MAP2K5: variants seen among roughly 807,000 people sequenced by gnomAD.
MAP2K5 encodes mitogen-activated protein kinase kinase 5.
MAP2K5 carries 49 observed loss-of-function variants against 83.1 expected under a neutral mutation model. The ratio of observed to expected loss-of-function variants is 0.59; its 90% confidence interval spans 0.47 to 0.75. The LOEUF (loss-of-function observed/expected upper bound fraction) is 0.75. Ranked by LOEUF, MAP2K5 falls within the 30% of genes least tolerant of loss-of-function variation. The pLI is 0.00. For missense variants in MAP2K5, 457 were observed against 557.5 expected (o/e 0.82, Z 1.82); for synonymous variants, 202 against 191.8 (o/e 1.05, Z -0.44).
In MAP2K5 at chr15:67,618,013, G is replaced by T. The variant is rs141784505; in HGVS notation, c.546-12875G>T. Among the ~76,000 whole-genome samples, 570 of 152,234 alleles carry T rather than the reference G, an allele frequency of 3.7e-3. 3 individuals are homozygous for T. Among genetic ancestry groups the T allele is most frequent in the African/African-American group, 0.013 (526 of 41,548 alleles). On this transcript the variant is annotated intron_variant, in intron 8 of 21. Transcript: ENST00000178640. ...CCTGCCTATTTTCCTTACCTTTAAA[G>T]ATTATTCTAGAAATTCAGTTTATTC...
chr15:67,665,987 T>C lies in MAP2K5; in HGVS notation c.847+1342T>C, dbSNP rs763641297. The stretch of plus-strand genomic sequence containing the variant: ...TACCGGTAAAGTGGTGATAGCCATT[T>C]TAATAAGAATTAACCCAATGGTCAG... On this transcript the variant is annotated intron_variant, in intron 13 of 21. Coordinates refer to ENST00000178640, the MANE Select transcript of MAP2K5 (RefSeq NM_145160.3). The surrounding 1 kb of genome is among the most constrained non-coding windows in gnomAD (Gnocchi z 4.2). 3.9e-5 allele frequency among the ~76,000 whole-genome samples: 6 copies of C among 152,244 alleles called. No homozygotes were observed. The highest frequency in any genetic ancestry group is 7.3e-5 in the Non-Finnish European group (5 of 68,040).
intron 21 of MAP2K5, among the ~76,000 whole-genome samples, chr15:67,773,863 C>G (rs539147487): frequency 5.9e-5 from 9 of 152,234 alleles, no homozygotes; most frequent in Admixed American, 3.9e-4. Flanking sequence ...TTTGAGAAAA[C>G]TTGGAACAGG....
chr15:67,553,501 A>G (rs2084553960), intron 2 of MAP2K5, among the ~76,000 whole-genome samples: 1 of 152,190 alleles, frequency 6.6e-6, no homozygotes, highest in Admixed American at 6.5e-5. Context: ...TTGTGTTTGG[A>G]TTATCATGTA....
rs2084607317 is a variant in MAP2K5, at chr15:67,555,533, T to TACC, written c.184+5452_184+5454dup. Among the ~76,000 whole-genome samples the TACC allele has an allele frequency of 6.6e-6, 1 of 152,170 alleles. No individual in the cohort carries two copies. Among genetic ancestry groups the TACC allele is most frequent in the Non-Finnish European group, 1.5e-5 (1 of 68,016 alleles). ...GAGTTGGAACTACTGAGACAAAGAA[T>TACC]ACCCATATTTAAATTTCAATATCTA... On this transcript the variant is annotated intron_variant, in intron 2 of 21. Coordinates refer to ENST00000178640, the MANE Select transcript of MAP2K5 (RefSeq NM_145160.3). The surrounding 1 kb of genome is among the most constrained non-coding windows in gnomAD (Gnocchi z 5.2).
At chr15:67,733,510 A>G (rs959213849) in intron 17 of MAP2K5, among the ~76,000 whole-genome samples, 64 of 151,662 alleles carry the variant, frequency 4.2e-4, no homozygotes, top group African/African-American at 1.4e-3. Flanking sequence ...TTTTATTGGG[A>G]AAAAAAAATA....
intron 16 of MAP2K5, among the ~76,000 whole-genome samples, chr15:67,714,075 T>G (rs1019286502): frequency 6.6e-6 from 1 of 152,168 alleles, no homozygotes; most frequent in Non-Finnish European, 1.5e-5. Flanking sequence ...AACACGTTAT[T>G]AAGTGCTGGG....
At chr15:67,684,382 G>C (rs140146968) in intron 13 of MAP2K5, among the ~76,000 whole-genome samples, 1 of 152,230 alleles carries the variant, frequency 6.6e-6, no homozygotes, top group Non-Finnish European at 1.5e-5. Context: ...CCCTGTAGTA[G>C]TGGTTACTCT....
chr15:67,701,722 T>G (rs527970330), intron 15 of MAP2K5, among the ~76,000 whole-genome samples: 1 of 152,168 alleles, frequency 6.6e-6, no homozygotes. Flanking sequence ...GCCCCACCCC[T>G]AGAGATTCTT....
In MAP2K5 at chr15:67,724,387, T is replaced by TTTTA. The variant is rs575335189; in HGVS notation, c.1045-3509_1045-3506dup. Among the ~76,000 whole-genome samples, 322 of 152,044 alleles carry TTTTA rather than the reference T, an allele frequency of 2.1e-3. 2 individuals carry two copies. The highest frequency in any genetic ancestry group is 6.0e-3 in the African/African-American group (248 of 41,458). On this transcript the variant is annotated intron_variant, in intron 16 of 21. Transcript: ENST00000178640. The surrounding 1 kb of genome is among the most constrained non-coding windows in gnomAD (Gnocchi z 4.4). The stretch of plus-strand genomic sequence containing the variant: ...ACAGCCTCGTGGAGAACTCGTTCTT[T>TTTTA]TTTATTTATTTATTTATTTATTTTT...
rs188664422 is a variant in MAP2K5, at chr15:67,720,374, A to C, written c.1045-7542A>C. Among the ~76,000 whole-genome samples, 16 of 152,280 alleles carry C rather than the reference A, an allele frequency of 1.1e-4. No individual in the cohort carries two copies. In the East Asian group the frequency reaches 2.7e-3, roughly 26 times the overall value. On this transcript the variant is annotated intron_variant, in intron 16 of 21. Transcript: ENST00000178640. The surrounding 1 kb of genome is among the most constrained non-coding windows in gnomAD (Gnocchi z 5.7). The stretch of plus-strand genomic sequence containing the variant: ...TATATATATACACACTTACACACAC[A>C]CAAGGAAAAAAAGAAAATGATGTAA...
intron 1 of MAP2K5, among the ~76,000 whole-genome samples, chr15:67,544,993 C>A (rs1347672748): frequency 1.3e-5 from 2 of 152,150 alleles, no homozygotes; most frequent in Non-Finnish European, 2.9e-5. Flanking sequence ...CCTCTGGGCA[C>A]ATCTGGATTG....
At chr15:67,604,038 T>C (rs2085724712) in intron 8 of MAP2K5, among the ~76,000 whole-genome samples, 1 of 152,272 alleles carries the variant, frequency 6.6e-6, no homozygotes, top group Admixed American at 6.5e-5. Flanking sequence ...ATTATAATCG[T>C]GTAATTACAA....
rs1364035899 is a variant in MAP2K5, at chr15:67,637,742, C to T, written c.585+6815C>T. 6.6e-6 allele frequency among the ~76,000 whole-genome samples: 1 copy of T among 152,124 alleles called. No homozygotes were observed. The highest frequency in any genetic ancestry group is 1.5e-5 in the Non-Finnish European group (1 of 68,022). On this transcript the variant is annotated intron_variant, in intron 9 of 21. Coordinates refer to ENST00000178640, the MANE Select transcript of MAP2K5 (RefSeq NM_145160.3). The surrounding 1 kb of genome is among the most constrained non-coding windows in gnomAD (Gnocchi z 4.5). ...CCTCAGACTCTCAGTTTTGTCTTCT[C>T]ATCTTAGGGAGATGGCTTATCTCTG...
In MAP2K5 at chr15:67,565,757, A is replaced by G. The variant is rs1354406194; in HGVS notation, c.252+2407A>G. Among the ~76,000 whole-genome samples, 1 of 152,158 alleles carries G rather than the reference A, an allele frequency of 6.6e-6. No homozygotes were observed. Among genetic ancestry groups the G allele is most frequent in the Non-Finnish European group, 1.5e-5 (1 of 68,030 alleles). On this transcript the variant is annotated intron_variant, in intron 3 of 21. Transcript: ENST00000178640. The surrounding 1 kb of genome is among the most constrained non-coding windows in gnomAD (Gnocchi z 4.1). ...TTTTTTATCTGAATAGAAGTCATCT[A>G]TCTCATTGATGAGATAATTTAAAAA...
chr15:67,795,585 A>G (rs985547290), intron 21 of MAP2K5, among the ~76,000 whole-genome samples: 16 of 152,212 alleles, frequency 1.1e-4, no homozygotes, highest in Non-Finnish European at 8.8e-5. Flanking sequence ...AGAGCATGCT[A>G]TGTATAACAT....
At chr15:67,674,694 A>G (rs1259955254) in intron 13 of MAP2K5, among the ~76,000 whole-genome samples, 1 of 152,204 alleles carries the variant, frequency 6.6e-6, no homozygotes, top group Non-Finnish European at 1.5e-5. Context: ...TACATGTCTT[A>G]AAAGTATTCT....
At position 67,717,067 on chromosome 15, in the gene MAP2K5, A is replaced by T. The variant is rs2141234697; in HGVS notation, c.1045-10849A>T. Among the ~76,000 whole-genome samples the T allele has an allele frequency of 6.6e-6, 1 of 152,336 alleles. No individual in the cohort carries two copies. The highest frequency in any genetic ancestry group is 1.5e-5 in the Non-Finnish European group (1 of 68,032). On this transcript the variant is annotated intron_variant, in intron 16 of 21. Coordinates refer to ENST00000178640, the MANE Select transcript of MAP2K5 (RefSeq NM_145160.3). The surrounding 1 kb of genome is among the most constrained non-coding windows in gnomAD (Gnocchi z 4.1). ...TGGATTCAAGTCTGCTTCTTCCATT[A>T]TGCTTTAGGAAAGTAGATCAAGTAG...
At chr15:67,727,454 G>A (rs915202496) in intron 16 of MAP2K5, among the ~76,000 whole-genome samples, 1 of 152,070 alleles carries the variant, frequency 6.6e-6, no homozygotes, top group Non-Finnish European at 1.5e-5. Context: ...AAATAATGGC[G>A]CAGTTTTCAA....
In MAP2K5 at chr15:67,733,073, T is replaced by G. The variant is rs573952315; in HGVS notation, c.1074+5128T>G. Among the ~76,000 whole-genome samples the G allele has an allele frequency of 1.3e-4, 20 of 152,292 alleles. No individual in the cohort carries two copies. The South Asian group carries it at 4.1e-3, about 32-fold the overall frequency. Reference sequence around the variant, plus strand: ...CTGAGTGCAGAGAGAGTAACAAATATTTCATCCTGCCTTGTCATTGATTAG... The same window carrying G: ...CTGAGTGCAGAGAGAGTAACAAATAGTTCATCCTGCCTTGTCATTGATTAG... On this transcript the variant is annotated intron_variant, in intron 17 of 21. Transcript: ENST00000178640.
Sources: gnomAD v4.1 joint callset for allele counts (sites outside exome capture counted in the v4.1 genomes callset) on GRCh38, gnomAD v4.1.1 for gene constraint, Gnocchi (gnomAD v3.1) non-coding constraint, MANE v1.5 for transcripts, NCBI Gene and HGNC (gene_info 2026-07-23, HGNC 2026-07-21) for gene names.